Variants in GRM8 observed in about 807,000 individuals in gnomAD.
GRM8 encodes glutamate metabotropic receptor 8.
GRM8 carries 47 observed loss-of-function variants against 87.2 expected under a neutral mutation model. That is an observed-to-expected ratio of 0.54 (90% CI 0.43 to 0.69). The LOEUF (loss-of-function observed/expected upper bound fraction) is 0.69. GRM8 is among the 30% of genes least tolerant of loss of function. The pLI is 0.00. For synonymous variants in GRM8, 396 were observed against 404.5 expected (o/e 0.98, Z 0.25); for missense variants, 1,019 against 1,139.2 (o/e 0.89, Z 1.52).
At chr7:126,901,844 T>C (rs945981261) in intron 6 of GRM8, among the ~76,000 whole-genome samples, 4 of 152,214 alleles carry the variant, frequency 2.6e-5, no homozygotes, top group Non-Finnish European at 4.4e-5. Context: ...TATGTGTTAG[T>C]TTCTAATACG....
intron 2 of GRM8, among the ~76,000 whole-genome samples, chr7:127,128,610 C>T (rs372064779): frequency 6.6e-6 from 1 of 152,070 alleles, no homozygotes; most frequent in East Asian, 1.9e-4. Context: ...ATAACTTTTG[C>T]AACTATCTTA....
intron 6 of GRM8, among the ~76,000 whole-genome samples, chr7:126,832,362 C>A (rs147678907): frequency 8.0e-4 from 122 of 152,154 alleles, no homozygotes; most frequent in African/African-American, 2.9e-3. Flanking sequence ...CTTGTCTTAA[C>A]AACTCATTGT....
chr7:127,186,255 AT>A (rs1794731694), intron 2 of GRM8, among the ~76,000 whole-genome samples: 1 of 152,202 alleles, frequency 6.6e-6, no homozygotes, highest in Non-Finnish European at 1.5e-5. Context: ...TTATATTTTG[AT>A]TAGACATGGA....
At chr7:126,849,386 A>T (rs1012378190) in intron 6 of GRM8, among the ~76,000 whole-genome samples, 2 of 152,208 alleles carry the variant, frequency 1.3e-5, no homozygotes, top group Non-Finnish European at 2.9e-5. Flanking sequence ...GGAACTGAGA[A>T]GATAATCTTA....
Position 126,715,796 on chromosome 7 carries a change from C to T in GRM8, c.1357+54069G>A, listed in dbSNP as rs546468345. On this transcript the variant is annotated intron_variant, in intron 7 of 10. Coordinates refer to ENST00000339582, the MANE Select transcript of GRM8 (RefSeq NM_000845.3). ...CCATGTTTCTATAGCTAAAATTTTG[C>T]TTTTGTAGGCTGAGGTAACCTTACT... Among the ~76,000 whole-genome samples the T allele has an allele frequency of 7.1e-4, 108 of 152,244 alleles. No homozygotes were observed. In the Middle Eastern group the frequency reaches 0.017, roughly 24 times the overall value.
At chr7:126,735,601 T>A (rs1304686582) in intron 7 of GRM8, among the ~76,000 whole-genome samples, 1 of 152,108 alleles carries the variant, frequency 6.6e-6, no homozygotes, top group Non-Finnish European at 1.5e-5. Flanking sequence ...ATTGTTGTCA[T>A]CTTCTTCATA....
At chr7:126,642,717 C>T (rs989608123) in intron 7 of GRM8, among the ~76,000 whole-genome samples, 36 of 151,988 alleles carry the variant, frequency 2.4e-4, no homozygotes, top group African/African-American at 1.2e-4. Context: ...ACACCAAATA[C>T]GATAGAGATA....
chr7:126,635,944 C>T (rs1801809432), intron 7 of GRM8, among the ~76,000 whole-genome samples: 1 of 152,100 alleles, frequency 6.6e-6, no homozygotes, highest in African/African-American at 2.4e-5. Context: ...AAACCACAAA[C>T]ATTCTTGTAC....
chr7:126,958,934 C>T (rs972472333), intron 3 of GRM8, among the ~76,000 whole-genome samples: 2 of 152,204 alleles, frequency 1.3e-5, no homozygotes, highest in African/African-American at 4.8e-5. Context: ...GTTATCAAAA[C>T]TGTGAGGGGT....
chr7:126,863,961 A>G (rs545136440), intron 6 of GRM8, among the ~76,000 whole-genome samples: 1 of 147,034 alleles, frequency 6.8e-6, no homozygotes, highest in Admixed American at 6.8e-5. Context: ...ATCATTTTTC[A>G]TTTTTAATTA....
intron 7 of GRM8, among the ~76,000 whole-genome samples, chr7:126,622,004 T>G (rs1228591580): frequency 6.6e-6 from 1 of 151,800 alleles, no homozygotes. Flanking sequence ...TCTCTTGCGC[T>G]TCTCTCTGTC....
At chr7:126,788,419 A>AC (rs1422198860) in intron 6 of GRM8, among the ~76,000 whole-genome samples, 4 of 149,448 alleles carry the variant, frequency 2.7e-5, no homozygotes, top group Admixed American at 6.7e-5. Flanking sequence ...CAAAAAAAAA[A>AC]AAAACCCTTT....
chr7:127,170,526 A>C (rs1793732489), intron 2 of GRM8, among the ~76,000 whole-genome samples: 1 of 152,242 alleles, frequency 6.6e-6, no homozygotes, highest in African/African-American at 2.4e-5. Context: ...TTACATAAAA[A>C]AGATGCTTTC....
chr7:126,644,440 T>C (rs900391518), intron 7 of GRM8, among the ~76,000 whole-genome samples: 4 of 152,138 alleles, frequency 2.6e-5, no homozygotes, highest in African/African-American at 4.8e-5. Flanking sequence ...GTGTTTTCCA[T>C]GGATAGAAAT....
intron 3 of GRM8, among the ~76,000 whole-genome samples, chr7:126,988,453 C>T (rs1485328737): frequency 1.3e-5 from 2 of 152,216 alleles, no homozygotes. Flanking sequence ...TTATAAAAGT[C>T]CTACTAACTC....
intron 6 of GRM8, among the ~76,000 whole-genome samples, chr7:126,830,703 C>T (rs543092190): frequency 4.0e-4 from 61 of 152,312 alleles, no homozygotes; most frequent in African/African-American, 1.4e-3. Flanking sequence ...TCTCTCAACT[C>T]GTCAAAGTCA....
At chr7:126,582,723 A>G (rs1015199503) in intron 8 of GRM8, among the ~76,000 whole-genome samples, 1 of 152,150 alleles carries the variant, frequency 6.6e-6, no homozygotes, top group African/African-American at 2.4e-5. Context: ...TGAAAAACCT[A>G]GGGCCCTTTA....
At chr7:127,248,292 G>T (rs1798683709) in intron 1 of GRM8, among the ~76,000 whole-genome samples, 1 of 152,186 alleles carries the variant, frequency 6.6e-6, no homozygotes. Context: ...TATGAGGATG[G>T]TATCACAGCC....
At chr7:126,762,199 C>T (rs1817645412) in intron 7 of GRM8, among the ~76,000 whole-genome samples, 1 of 151,480 alleles carries the variant, frequency 6.6e-6, no homozygotes, top group South Asian at 2.1e-4. Flanking sequence ...TAAACATGAA[C>T]ATAAACTAAA....
Sources: gnomAD v4.1 joint callset for allele counts (sites outside exome capture counted in the v4.1 genomes callset) on GRCh38, gnomAD v4.1.1 for gene constraint, MANE v1.5 for transcripts, NCBI Gene and HGNC (gene_info 2026-07-23, HGNC 2026-07-21) for gene names.